Variants in SYTL3 observed in about 807,000 individuals in gnomAD.
SYTL3 encodes the protein synaptotagmin-like protein 3.
SYTL3 carries 88 observed loss-of-function variants against 82.1 expected under a neutral mutation model. That is an observed-to-expected ratio of 1.07 (90% confidence interval 0.90 to 1.28). The LOEUF (loss-of-function observed/expected upper bound fraction) is 1.28. SYTL3 is among the 50% of genes most tolerant of loss of function. SYTL3 has a pLI of 0.00. For synonymous variants in SYTL3, 311 were observed against 289.4 expected (o/e 1.07, Z -0.76); for missense variants, 831 against 757.6 (o/e 1.10, Z -1.14).
In SYTL3 at chr6:158,741,514, A is replaced by G. The variant is rs188402195; in HGVS notation, c.856-3966A>G. Among the ~76,000 whole-genome samples, 76 of 152,294 alleles carry G rather than the reference A, an allele frequency of 5.0e-4. No individual in the cohort carries two copies. In the East Asian group the frequency reaches 8.7e-3, roughly 17 times the overall value. ...TCAATTTGTTGAGCATACTTCTCAG[A>G]TGTAATGGTTTCGCTGGGATTCAGA... On this transcript the variant is annotated intron_variant, in intron 11 of 17. Transcript: ENST00000611299.
chr6:158,730,554 C>T (rs1044834283), intron 11 of SYTL3, among the ~76,000 whole-genome samples: 1 of 152,154 alleles, frequency 6.6e-6, no homozygotes, highest in Non-Finnish European at 1.5e-5. Context: ...CCCACTGCCT[C>T]GTTGCGGTGG....
At chr6:158,649,284 G>C (rs1787727840), upstream of SYTL3, among the ~76,000 whole-genome samples, 1 of 152,204 alleles carries the variant, frequency 6.6e-6, no homozygotes, top group South Asian at 2.1e-4. Flanking sequence ...ACATTTATTT[G>C]CCACTCACAC....
chr6:158,687,116 C>T (rs997859722), intron 6 of SYTL3, among the ~76,000 whole-genome samples: 1 of 152,194 alleles, frequency 6.6e-6, no homozygotes, highest in African/African-American at 2.4e-5. Flanking sequence ...TTTCCACGCA[C>T]TGGTTATCTA....
At position 158,764,524 on chromosome 6, in the gene SYTL3, T is replaced by G. The variant is rs750344063; in HGVS notation, c.1753T>G (p.Cys585Gly). The stretch of plus-strand genomic sequence containing the variant: ...AGACACAGCTGTTGGCGGGGATGCA[T>G]GCTCACTATCGAAGCTCCAGTGGCA... ...KGDTAVGGDA[C>G]SLSKLQWQKV... The change falls in exon 18 of 18, where the codon TGC (cysteine) becomes GGC (glycine). Residue 585 changes from cysteine to glycine, a missense_variant. Transcript: ENST00000611299. 1 of 1,614,064 alleles carries G rather than the reference T, an allele frequency of 6.2e-7. No homozygotes were observed. The highest frequency in any genetic ancestry group is 1.7e-5 in the Admixed American group (1 of 60,032).
At chr6:158,696,018 GC>G (rs1353536153) in intron 6 of SYTL3, among the ~76,000 whole-genome samples, 1 of 152,162 alleles carries the variant, frequency 6.6e-6, no homozygotes, top group Admixed American at 6.5e-5. Flanking sequence ...TAGAGTTCCT[GC>G]TTTAAATCCT....
chr6:158,674,600 G>T (rs1476288306), intron 5 of SYTL3, among the ~76,000 whole-genome samples: 3 of 152,204 alleles, frequency 2.0e-5, no homozygotes, highest in Non-Finnish European at 4.4e-5. Context: ...CCTCTGTCGT[G>T]GTGGATCCCC....
chr6:158,747,437 C>T (rs1044857654), intron 12 of SYTL3, among the ~76,000 whole-genome samples: 9 of 152,136 alleles, frequency 5.9e-5, no homozygotes, highest in Non-Finnish European at 1.2e-4. Context: ...CTATAGCTCA[C>T]TGCAGCCTCA....
chr6:158,664,835 C>G (rs1789826525), intron 4 of SYTL3, among the ~76,000 whole-genome samples: 1 of 152,014 alleles, frequency 6.6e-6, no homozygotes, highest in Non-Finnish European at 1.5e-5. Context: ...GTAAATGACA[C>G]CTTTTTGGTC....
At chr6:158,757,171 C>T in intron 13 of SYTL3, 40 bp from the exon 14 acceptor site, 2 of 1,584,236 alleles carry the variant, frequency 1.3e-6, no homozygotes, top group Non-Finnish European at 1.7e-6. Context: ...GAGTGCGGGC[C>T]CCGGGAGCCC....
chr6:158,705,473 TGGGGACAG>T (rs1562400349), intron 6 of SYTL3, among the ~76,000 whole-genome samples: 1 of 83,286 alleles, frequency 1.2e-5, no homozygotes, highest in African/African-American at 4.7e-5. Context: ...AGGAGGGACC[TGGGGACAG>T]GGTGACAGGG....
At chr6:158,698,821 T>C (rs568578866) in intron 6 of SYTL3, among the ~76,000 whole-genome samples, 2 of 91,180 alleles carry the variant, frequency 2.2e-5, no homozygotes, top group South Asian at 3.5e-4. Flanking sequence ...GGGGTGGGCA[T>C]AAGGCCTGTT....
chr6:158,691,871 A>T (rs1419861387), intron 6 of SYTL3, among the ~76,000 whole-genome samples: 1 of 150,010 alleles, frequency 6.7e-6, no homozygotes, highest in Non-Finnish European at 1.5e-5. Flanking sequence ...CAAGATGGTC[A>T]CGATCTCCTG....
chr6:158,743,353 A>G (rs1179928458), intron 11 of SYTL3, among the ~76,000 whole-genome samples: 1 of 152,140 alleles, frequency 6.6e-6, no homozygotes, highest in African/African-American at 2.4e-5. Flanking sequence ...AATCTCTTGA[A>G]ATAGTTTAGT....
chr6:158,674,688 C>A (rs966672046), intron 5 of SYTL3, among the ~76,000 whole-genome samples: 3 of 152,188 alleles, frequency 2.0e-5, no homozygotes, highest in Non-Finnish European at 2.9e-5. Context: ...TAAACAAGTA[C>A]GGCTCTGTCC....
In SYTL3 at chr6:158,663,554, T is replaced by G. The variant is rs77141873; in HGVS notation, c.110+176T>G. 1,097 of 985,226 alleles carry G rather than the reference T, an allele frequency of 1.1e-3. 9 individuals are homozygous for G. The African/African-American group carries it at 0.018, about 16-fold the overall frequency. 61.0% of individuals were successfully genotyped at this position (985,226 alleles called of 1,614,324 possible). On this transcript the variant is annotated intron_variant, in intron 4 of 17. Transcript: ENST00000611299. ...GTGGAGATGATCCTCCTTATGTAAC[T>G]AAACGTAGAGGACGCTCAGGAGGAG...
intron 6 of SYTL3, among the ~76,000 whole-genome samples, chr6:158,698,380 G>C (rs112742397): frequency 0.12 from 16,052 of 137,878 alleles, 953 homozygotes; most frequent in Middle Eastern, 0.25. Flanking sequence ...CTGGGTGACA[G>C]AGTGAGACTC....
At chr6:158,742,627 G>A (rs1787084016) in intron 11 of SYTL3, among the ~76,000 whole-genome samples, 1 of 151,174 alleles carries the variant, frequency 6.6e-6, no homozygotes, top group African/African-American at 2.4e-5. Context: ...TCAAGCTGGA[G>A]TGCAGTGGTG....
At chr6:158,756,568 C>T (rs865894942) in intron 13 of SYTL3, among the ~76,000 whole-genome samples, 5 of 151,858 alleles carry the variant, frequency 3.3e-5, no homozygotes, top group Non-Finnish European at 7.4e-5. Context: ...AAAAACAAGC[C>T]GGGCGTGGTG....
chr6:158,717,841 G>T (rs1783603835), intron 9 of SYTL3, among the ~76,000 whole-genome samples: 1 of 152,150 alleles, frequency 6.6e-6, no homozygotes, highest in South Asian at 2.1e-4. Flanking sequence ...CATGGCCTGG[G>T]TGGCCACAGC....
Sources: allele counts gnomAD v4.1 joint callset (sites outside exome capture counted in the v4.1 genomes callset), GRCh38; gene constraint gnomAD v4.1.1; transcripts MANE v1.5; gene names NCBI Gene and HGNC (gene_info 2026-07-23, HGNC 2026-07-21).